Variants in ARK2N observed in about 807,000 individuals in gnomAD.
ARK2N encodes the protein protein ARK2N.
the ARK2N span, among the ~76,000 whole-genome samples, chr18:46,222,783 C>A: frequency 1.3e-5 from 2 of 152,084 alleles, no homozygotes; most frequent in African/African-American, 2.4e-5. Context: ...CCATGTACCC[C>A]CTTCTCCCAC....
the ARK2N span, among the ~76,000 whole-genome samples, chr18:46,250,164 G>A: frequency 3.3e-5 from 5 of 152,070 alleles, no homozygotes; most frequent in South Asian, 2.1e-4. Context: ...GAACAGTACC[G>A]ATTGTACCAT....
At chr18:46,221,049 T>C in the ARK2N span, among the ~76,000 whole-genome samples, 4 of 152,060 alleles carry the variant, frequency 2.6e-5, no homozygotes, top group South Asian at 8.3e-4. Flanking sequence ...TGTGGGAGGA[T>C]TGCTTGAGCC....
At chr18:46,181,541 C>T in the ARK2N span, among the ~76,000 whole-genome samples, 1 of 151,960 alleles carries the variant, frequency 6.6e-6, no homozygotes, top group East Asian at 1.9e-4. Flanking sequence ...GGTGAAACCC[C>T]GTCTCTACTA....
chr18:46,215,036 G>A, the ARK2N span, among the ~76,000 whole-genome samples: 1 of 152,020 alleles, frequency 6.6e-6, no homozygotes, highest in South Asian at 2.1e-4. Context: ...ATAAATGTAG[G>A]GGCCAGGCAC....
the ARK2N span, among the ~76,000 whole-genome samples, chr18:46,181,582 C>T: frequency 1.3e-5 from 2 of 151,866 alleles, no homozygotes; most frequent in African/African-American, 4.8e-5. Flanking sequence ...GACGTGGTGG[C>T]GGGCACCTGT....
chr18:46,218,021 G>A, the ARK2N span: 1 of 152,072 alleles, frequency 6.6e-6, no homozygotes, highest in African/African-American at 2.4e-5. Flanking sequence ...AGACCTTGAT[G>A]GAACTCTTAA....
chr18:46,207,688 T>G, the ARK2N span, among the ~76,000 whole-genome samples: 1 of 152,154 alleles, frequency 6.6e-6, no homozygotes, highest in Admixed American at 6.5e-5. Flanking sequence ...GCGCCTGACC[T>G]TCTATACTTC....
chr18:46,233,625 G>A, the ARK2N span, among the ~76,000 whole-genome samples: 1 of 151,984 alleles, frequency 6.6e-6, no homozygotes, highest in Admixed American at 6.6e-5. Flanking sequence ...GATAATCTTG[G>A]ATCTTTGCTT....
the ARK2N span, chr18:46,240,016 G>A: frequency 2.5e-6 from 4 of 1,613,988 alleles, no homozygotes; most frequent in Non-Finnish European, 3.4e-6. Context: ...TGGACCTCCA[G>A]TTGTAGCTCA....
chr18:46,255,161 A>T, the ARK2N span, among the ~76,000 whole-genome samples: 1 of 152,218 alleles, frequency 6.6e-6, no homozygotes, highest in Admixed American at 6.5e-5. Context: ...AGATACATGT[A>T]CGTTAAGGGT....
At chr18:46,233,690 C>T in the ARK2N span, among the ~76,000 whole-genome samples, 1 of 152,116 alleles carries the variant, frequency 6.6e-6, no homozygotes, top group South Asian at 2.1e-4. Flanking sequence ...TCATAAATAG[C>T]TTTCCTGGGT....
chr18:46,203,661 G>T, the ARK2N span, among the ~76,000 whole-genome samples: 1 of 152,044 alleles, frequency 6.6e-6, no homozygotes, highest in African/African-American at 2.4e-5. Context: ...GCAAGGACAC[G>T]ATCTCAGCCT....
the ARK2N span, among the ~76,000 whole-genome samples, chr18:46,247,176 G>T: frequency 6.1e-5 from 9 of 148,100 alleles, no homozygotes; most frequent in African/African-American, 2.2e-4. Context: ...ATGGTACCTT[G>T]TTTTTTTTTT....
At chr18:46,247,701 C>G in the ARK2N span, among the ~76,000 whole-genome samples, 1 of 152,236 alleles carries the variant, frequency 6.6e-6, no homozygotes, top group African/African-American at 2.4e-5. Context: ...GAGATGGCAT[C>G]TTGCTCTGTC....
At chr18:46,253,902 G>A in the ARK2N span, 1 of 1,466,958 alleles carries the variant, frequency 6.8e-7, no homozygotes, top group Non-Finnish European at 9.2e-7. Flanking sequence ...AAAGAAAATG[G>A]TAGACTTTAT....
the ARK2N span, chr18:46,240,221 T>TA: frequency 6.2e-7 from 1 of 1,609,896 alleles, no homozygotes; most frequent in Non-Finnish European, 8.5e-7. Flanking sequence ...TCTAACGGTG[T>TA]AATATGCATG....
the ARK2N span, among the ~76,000 whole-genome samples, chr18:46,199,482 ATTTTTT>A: frequency 1.2e-5 from 1 of 82,410 alleles, no homozygotes; most frequent in Non-Finnish European, 2.4e-5. Flanking sequence ...CACCCAGCTC[ATTTTTT>A]TTTTTTTTTT....
At chr18:46,223,768 G>GT in the ARK2N span, among the ~76,000 whole-genome samples, 1 of 152,136 alleles carries the variant, frequency 6.6e-6, no homozygotes, top group Non-Finnish European at 1.5e-5. Context: ...AACAGTGAAA[G>GT]AAGTCTCTGT....
At chr18:46,232,046 A>G in the ARK2N span, 3 of 152,196 alleles carry the variant, frequency 2.0e-5, no homozygotes, top group East Asian at 3.9e-4. Flanking sequence ...AGTCTGATTT[A>G]TTTCTTAAAA....
Sources: gnomAD v4.1 joint callset for allele counts (sites outside exome capture counted in the v4.1 genomes callset) on GRCh38, gnomAD v4.1.1 for gene constraint, MANE v1.5 for transcripts, NCBI Gene and HGNC (gene_info 2026-07-23, HGNC 2026-07-21) for gene names.